Variants in UBASH3A observed in about 807,000 individuals in gnomAD.
The protein encoded by UBASH3A is ubiquitin-associated and SH3 domain-containing protein A.
A neutral mutation model predicts 73.5 loss-of-function variants in UBASH3A; 63 were observed. The ratio of observed to expected loss-of-function variants is 0.86; its 90% CI spans 0.70 to 1.06. UBASH3A has a LOEUF of 1.06. Ranked by LOEUF, UBASH3A falls within the 50% of genes least tolerant of loss-of-function variation. The pLI is 0.00. For missense variants in UBASH3A, 860 were observed against 859.0 expected (o/e 1.00, Z -0.02); for synonymous variants, 363 against 351.1 (o/e 1.03, Z -0.38).
At chr21:42,442,652 A>G in intron 12 of UBASH3A, 56 bp downstream of exon 12, 1 of 1,549,714 alleles carries the variant, frequency 6.5e-7, no homozygotes, top group Admixed American at 2.0e-5. Flanking sequence ...TGTTAAAGAA[A>G]AATTTCATGA....
rs1372244697 is a variant in UBASH3A, at chr21:42,426,699, T to A, written c.1049T>A (p.Met350Lys). ...GCCGTGCTTTCCTTCCCCTGCAGGA[T>A]GTACACCTTCAGTCTAGCCACAGAC... ...SESDTWVKHRMYTFSLATDLN... is the reference protein window; with the variant it reads ...SESDTWVKHRKYTFSLATDLN... Residue 350 changes from methionine (M) to lysine (K), a missense_variant and splice_region_variant, in exon 8 of 15, where the codon ATG becomes AAG. Coordinates refer to ENST00000319294, the MANE Select transcript of UBASH3A (RefSeq NM_018961.4). 2.5e-6 allele frequency: 4 copies of A among 1,613,810 alleles called. No individual in the cohort carries two copies. The highest frequency in any genetic ancestry group is 2.7e-5 in the African/African-American group (2 of 75,040).
chr21:42,416,532 C>T lies in UBASH3A; in HGVS notation c.758C>T (p.Ala253Val). 1 of 1,611,248 alleles carries T rather than the reference C, an allele frequency of 6.2e-7. No individual in the cohort carries two copies. The highest frequency in any genetic ancestry group is 1.3e-5 in the African/African-American group (1 of 74,900). Reference protein sequence around the residue: ...PHHQRTLEQLARAIPLGHSCQ... With the variant: ...PHHQRTLEQLVRAIPLGHSCQ... ...CACCAGAGGACGCTGGAGCAGCTGGCCAGAGCCATCCCCCTGGGCCACAGC... is the reference window on the plus strand; with the variant it reads ...CACCAGAGGACGCTGGAGCAGCTGGTCAGAGCCATCCCCCTGGGCCACAGC... Residue 253 changes from alanine to valine, a missense_variant, in exon 6 of 15, where the codon GCC becomes GTC. Physicochemically the swap from Ala to Val is moderately conservative, Grantham distance 64 (BLOSUM62 0). Coordinates refer to ENST00000319294, the MANE Select transcript of UBASH3A (RefSeq NM_018961.4).
rs758002888 is a variant in UBASH3A at position 42,444,514 on chromosome 21, G to A, written c.1739-20G>A. On this transcript the variant is annotated intron_variant, in intron 13 of 14. Coordinates refer to ENST00000319294, the MANE Select transcript of UBASH3A (RefSeq NM_018961.4). ...CTCTCTGGGGCTGCTTTGACCTGGA[G>A]GTGTTCTTGTTTTCCACAGCGGGTG... The A allele has an allele frequency of 2.5e-6, 4 of 1,588,286 alleles. No individual in the cohort carries two copies. Among genetic ancestry groups the A allele is most frequent in the East Asian group, 2.2e-5 (1 of 44,784 alleles).
At position 42,418,384 on chromosome 21, in the gene UBASH3A, C is replaced by A; in HGVS notation, c.838-17C>A. On this transcript the variant is annotated splice_polypyrimidine_tract_variant and intron_variant, in intron 6 of 14. Coordinates refer to ENST00000319294, the MANE Select transcript of UBASH3A (RefSeq NM_018961.4). ...AATCTTTGCTCGAGACGTGAAACCC[C>A]TTTGCCTCTTTTCTAGACCCTGAGA... 1 of 1,603,524 alleles carries A rather than the reference C, an allele frequency of 6.2e-7. No homozygotes were observed. The highest frequency in any genetic ancestry group is 1.1e-5 in the South Asian group (1 of 90,940).
At chr21:42,444,454 C>G in intron 13 of UBASH3A, 80 bp from the exon 14 acceptor site, 1 of 1,073,224 alleles carries the variant, frequency 9.3e-7, no homozygotes. Flanking sequence ...GCTCTGCCCC[C>G]CACCACTTTG....
chr21:42,431,260 C>T (rs1475231241), intron 8 of UBASH3A, among the ~76,000 whole-genome samples: 1 of 152,248 alleles, frequency 6.6e-6, no homozygotes, highest in Admixed American at 6.5e-5. Context: ...CCATCCCACA[C>T]AGTGGAGGCC....
In UBASH3A at chr21:42,443,425, G is replaced by T. The variant is rs1218501546; in HGVS notation, c.1738+7G>T. 2 of 1,596,476 alleles carry T rather than the reference G, an allele frequency of 1.3e-6. No individual in the cohort carries two copies. Among genetic ancestry groups the T allele is most frequent in the African/African-American group, 2.7e-5 (2 of 74,434 alleles). ...AACACCTGTCCACAGGACAGTAAGT[G>T]CCTCACCATCCTCAGTATGAACAGC... On this transcript the variant is annotated splice_region_variant and intron_variant, in intron 13 of 14. Transcript: ENST00000319294.
At chr21:42,441,950 G>A (rs1201973673) in intron 11 of UBASH3A, among the ~76,000 whole-genome samples, 1 of 152,190 alleles carries the variant, frequency 6.6e-6, no homozygotes, top group Non-Finnish European at 1.5e-5. Flanking sequence ...TGAGTTGCAG[G>A]GAGTCAGAAT....
chr21:42,419,304 C>A (rs111598256), intron 7 of UBASH3A, among the ~76,000 whole-genome samples: 8,440 of 152,304 alleles, frequency 0.055, 357 homozygotes, highest in Middle Eastern at 0.13. Context: ...GATACTGGTT[C>A]TTTTTTGTTC....
intron 13 of UBASH3A, among the ~76,000 whole-genome samples, chr21:42,444,254 C>A (rs567063471): frequency 6.6e-6 from 1 of 152,180 alleles, no homozygotes; most frequent in Non-Finnish European, 1.5e-5. Flanking sequence ...CTGTGGCTGA[C>A]GGGGCCCAGG....
At chr21:42,435,898 T>TATAGAGTTATGGAGCC (rs2053618162) in intron 10 of UBASH3A, among the ~76,000 whole-genome samples, 2 of 151,024 alleles carry the variant, frequency 1.3e-5, no homozygotes, top group Non-Finnish European at 3.0e-5. Context: ...GTTATAGAGT[T>TATAGAGTTATGGAGCC]ATAGAGTTAT....
intron 9 of UBASH3A, 44 bp downstream of exon 9, chr21:42,432,246 T>C (rs2839513): frequency 0.23 from 306,535 of 1,309,878 alleles, 37,010 homozygotes; most frequent in Middle Eastern, 0.29. Flanking sequence ...ACACTGTAGA[T>C]CTAACCAATG....
In UBASH3A at chr21:42,437,367, C is replaced by G. The variant is rs971057703; in HGVS notation, c.1394-121C>G. 7.7e-5 allele frequency: 61 copies of G among 789,316 alleles called. No homozygotes were observed. The African/African-American group carries it at 8.8e-4, about 11-fold the overall frequency. 48.9% of individuals were successfully genotyped at this position (789,316 alleles called of 1,614,324 possible). ...GGAGGCTGTGCAGGGTGTGTCACAC[C>G]AGGGGGTGGAAACCCGGGGCCCTTT... On this transcript the variant is annotated intron_variant, in intron 10 of 14. Coordinates refer to ENST00000319294, the MANE Select transcript of UBASH3A (RefSeq NM_018961.4).
intron 11 of UBASH3A, among the ~76,000 whole-genome samples, chr21:42,438,732 T>A (rs2053673346): frequency 6.6e-6 from 1 of 152,026 alleles, no homozygotes; most frequent in Non-Finnish European, 1.5e-5. Flanking sequence ...TGAGTGAGGC[T>A]CAAGGTCCAC....
At chr21:42,434,722 A>G in intron 9 of UBASH3A, 110 bp from the exon 10 acceptor site, 4 of 1,255,246 alleles carry the variant, frequency 3.2e-6, no homozygotes, top group Non-Finnish European at 4.4e-6. Flanking sequence ...GTTGACAATA[A>G]TTTCAATAAT....
chr21:42,421,714 A>C lies in UBASH3A; in HGVS notation c.1046+3105A>C, dbSNP rs563233619. ...ACGTTTTATTTGAGTAGTCATTAAA[A>C]GCTGCTTAAAAATTGTCAGAGGCTA... is the stretch of plus-strand genomic sequence containing the variant. On this transcript the variant is annotated intron_variant, in intron 7 of 14. Coordinates refer to ENST00000319294, the MANE Select transcript of UBASH3A (RefSeq NM_018961.4). Among the ~76,000 whole-genome samples, 5 of 152,360 alleles carry C rather than the reference A, an allele frequency of 3.3e-5. No individual in the cohort carries two copies. In the South Asian group the frequency reaches 1.0e-3, roughly 32 times the overall value.
intron 10 of UBASH3A, among the ~76,000 whole-genome samples, chr21:42,436,375 G>T (rs944735986): frequency 1.3e-5 from 2 of 152,172 alleles, no homozygotes; most frequent in African/African-American, 2.4e-5. Flanking sequence ...CTCCCAGTGT[G>T]AGCTCCCAGG....
chr21:42,408,315 G>C (rs191546999), intron 2 of UBASH3A, among the ~76,000 whole-genome samples: 1 of 152,130 alleles, frequency 6.6e-6, no homozygotes, highest in Non-Finnish European at 1.5e-5. Flanking sequence ...ATGAATGCAC[G>C]GTAAATAGAT....
At chr21:42,423,705 C>G (rs1278716192) in intron 7 of UBASH3A, among the ~76,000 whole-genome samples, 2 of 152,216 alleles carry the variant, frequency 1.3e-5, no homozygotes, top group Admixed American at 6.5e-5. Context: ...ATAACCATTC[C>G]AGCTTTTATG....
Sources: gnomAD v4.1 joint callset for allele counts (sites outside exome capture counted in the v4.1 genomes callset) on GRCh38, gnomAD v4.1.1 for gene constraint, MANE v1.5 for transcripts, NCBI Gene and HGNC (gene_info 2026-07-23, HGNC 2026-07-21) for gene names.